Variants in PTBP3 observed in about 807,000 individuals in gnomAD.
PTBP3 encodes the protein polypyrimidine tract-binding protein 3.
PTBP3 carries 20 observed loss-of-function variants against 58.7 expected under a neutral mutation model. The observed-to-expected ratio is 0.34, with a 90% CI of 0.24 to 0.50. The LOEUF (loss-of-function observed/expected upper bound fraction) is 0.50. Ranked by LOEUF, PTBP3 falls within the 20% of genes least tolerant of loss-of-function variation. The probability of loss-of-function intolerance (pLI) is 0.98; values close to 1 mark genes in which losing one functional copy is unlikely to be tolerated. For synonymous variants in PTBP3, 185 were observed against 219.8 expected (o/e 0.84, Z 1.40); for missense variants, 509 against 637.2 (o/e 0.80, Z 2.17).
chr9:112,312,675 T>C (rs1249404853), intron 1 of PTBP3, among the ~76,000 whole-genome samples: 3 of 151,848 alleles, frequency 2.0e-5, no homozygotes, highest in Non-Finnish European at 4.4e-5. Context: ...TGTAACTTTA[T>C]ATTAAAATAA....
At chr9:112,229,433 C>T (rs1328179313) in intron 10 of PTBP3, among the ~76,000 whole-genome samples, 4 of 151,872 alleles carry the variant, frequency 2.6e-5, no homozygotes, top group African/African-American at 4.8e-5. Flanking sequence ...GGCCTGGTGG[C>T]GCACACCTGT....
At chr9:112,333,371 G>T in intron 1 of PTBP3, 99 bp downstream of exon 1, 1 of 1,310,044 alleles carries the variant, frequency 7.6e-7, no homozygotes, top group Non-Finnish European at 9.9e-7. Context: ...GGCCGCCGGC[G>T]CCGCGCACTG....
chr9:112,299,815 T>C (rs1321705588), intron 1 of PTBP3, among the ~76,000 whole-genome samples: 1 of 152,160 alleles, frequency 6.6e-6, no homozygotes. Context: ...CAAAAATCAG[T>C]CATTTCTGCC....
At chr9:112,295,992 T>C (rs926784933) in intron 2 of PTBP3, among the ~76,000 whole-genome samples, 1 of 152,204 alleles carries the variant, frequency 6.6e-6, no homozygotes, top group African/African-American at 2.4e-5. Flanking sequence ...CAAAACAAAT[T>C]CGTAAACTTT....
chr9:112,222,131 G>A lies in PTBP3; in HGVS notation c.*1720C>T. On this transcript the variant is annotated 3_prime_UTR_variant, in exon 14 of 14. Transcript: ENST00000374257. ...TATTCTTTATTCTTTTAAAAGTTGA[G>A]ATGAGACACTTTGAGAATCTGAAAA... 1 of 985,760 alleles carries A rather than the reference G, an allele frequency of 1.0e-6. No individual in the cohort carries two copies. The highest frequency in any genetic ancestry group is 1.2e-6 in the Non-Finnish European group (1 of 829,844). 61.1% of individuals were successfully genotyped at this position (985,760 alleles called of 1,614,324 possible).
At chr9:112,284,863 T>C (rs1828040216) in intron 2 of PTBP3, among the ~76,000 whole-genome samples, 1 of 152,180 alleles carries the variant, frequency 6.6e-6, no homozygotes, top group African/African-American at 2.4e-5. Flanking sequence ...CCCCGTTGTA[T>C]CTTCGAAGTA....
chr9:112,376,133 G>T, the PTBP3 span, among the ~76,000 whole-genome samples: 16 of 135,484 alleles, frequency 1.2e-4, no homozygotes, highest in Admixed American at 1.1e-3. Context: ...ACCAAAATCC[G>T]TATTAGTCAG....
intron 4 of PTBP3, 42 bp from the exon 5 acceptor site, chr9:112,262,641 G>T (rs374513118): frequency 6.7e-7 from 1 of 1,487,910 alleles, no homozygotes; most frequent in Non-Finnish European, 9.0e-7. Flanking sequence ...TTATACAGAC[G>T]CATTATATGA....
chr9:112,304,625 G>C (rs577242798), intron 1 of PTBP3, among the ~76,000 whole-genome samples: 23 of 152,234 alleles, frequency 1.5e-4, no homozygotes, highest in Admixed American at 7.9e-4. Context: ...GGACTGCAGT[G>C]GGATGATCAT....
At chr9:112,248,036 C>G (rs1055019189) in intron 7 of PTBP3, among the ~76,000 whole-genome samples, 37 of 152,030 alleles carry the variant, frequency 2.4e-4, no homozygotes, top group African/African-American at 8.5e-4. Flanking sequence ...CCCAGAAGTT[C>G]TTTGTACTAC....
intron 1 of PTBP3, among the ~76,000 whole-genome samples, chr9:112,324,386 C>T (rs1294283786): frequency 6.6e-6 from 1 of 152,168 alleles, no homozygotes; most frequent in South Asian, 2.1e-4. Flanking sequence ...GGTGCAGTGG[C>T]TCACATCTGA....
At chr9:112,320,314 A>ATATATATATATATATATATATATATATTT in intron 1 of PTBP3, among the ~76,000 whole-genome samples, 3 of 75,692 alleles carry the variant, frequency 4.0e-5, no homozygotes, top group African/African-American at 2.0e-4. Context: ...ATATATATAT[A>ATATATATATATATATATATATATATATTT]TTTTTTTTTA....
chr9:112,353,786 T>A, the PTBP3 span, among the ~76,000 whole-genome samples: 3 of 151,776 alleles, frequency 2.0e-5, no homozygotes, highest in African/African-American at 7.3e-5. Flanking sequence ...TGAAACCCCA[T>A]CTCTGCCAAA....
chr9:112,334,028 G>A (rs1830508561), upstream of PTBP3, among the ~76,000 whole-genome samples: 1 of 151,472 alleles, frequency 6.6e-6, no homozygotes, highest in East Asian at 2.0e-4. Flanking sequence ...GAAAAGCTAT[G>A]GGGACCTGAC....
At position 112,332,845 on chromosome 9, in the gene PTBP3, G is replaced by A. The variant is rs771096748; in HGVS notation, c.-52+625C>T. 1.9e-6 allele frequency: 3 copies of A among 1,612,312 alleles called. No homozygotes were observed. In the South Asian group the frequency reaches 3.3e-5, roughly 18 times the overall value. On this transcript the variant is annotated intron_variant, in intron 1 of 13. Coordinates refer to ENST00000374257, the MANE Select transcript of PTBP3 (RefSeq NM_001163788.4). ...GAAAGGTGAGGGGGAAGCGTCCATG[G>A]TCACTAAGTCCAGACCCCTGGTGTC...
At chr9:112,332,865 G>C (rs775640299) in intron 1 of PTBP3, 1 of 1,609,740 alleles carries the variant, frequency 6.2e-7, no homozygotes, top group Non-Finnish European at 8.5e-7. Context: ...CCAGACCCCT[G>C]GTGTCGAGAA....
chr9:112,230,009 G>A (rs930966578), intron 10 of PTBP3, among the ~76,000 whole-genome samples: 3 of 152,164 alleles, frequency 2.0e-5, no homozygotes, highest in Non-Finnish European at 4.4e-5. Context: ...TATAGTGACT[G>A]CATATGAGCA....
intron 7 of PTBP3, among the ~76,000 whole-genome samples, chr9:112,243,126 C>G (rs1249645559): frequency 8.8e-6 from 1 of 113,132 alleles, no homozygotes; most frequent in Non-Finnish European, 1.7e-5. Flanking sequence ...TTAAGTCTTA[C>G]AGCTTAAAAA....
intron 9 of PTBP3, among the ~76,000 whole-genome samples, 180 bp downstream of exon 9, chr9:112,231,911 AAAGAAGAG>A (rs1835216208): frequency 8.0e-6 from 1 of 125,536 alleles, no homozygotes; most frequent in Non-Finnish European, 1.7e-5. Flanking sequence ...TCTGAAAAGA[AAAGAAGAG>A]AAGAGAAGAG....
Sources: allele counts gnomAD v4.1 joint callset (sites outside exome capture counted in the v4.1 genomes callset), GRCh38; gene constraint gnomAD v4.1.1; transcripts MANE v1.5; gene names NCBI Gene and HGNC (gene_info 2026-07-23, HGNC 2026-07-21).